CNTN1: variants seen among roughly 807,000 people sequenced by gnomAD.
CNTN1 encodes the protein contactin 1.
Under a neutral mutation model 126.4 loss-of-function variants are expected in CNTN1, and 38 were observed. The ratio of observed to expected loss-of-function variants is 0.30; its 90% confidence interval spans 0.23 to 0.39. The LOEUF (loss-of-function observed/expected upper bound fraction) is 0.39. Among genes scored for constraint, CNTN1 ranks in the 10% least tolerant of loss-of-function variants. CNTN1 has a pLI of 1.00. For synonymous variants in CNTN1, 413 were observed against 422.6 expected, an observed-to-expected ratio of 0.98 and a Z score of 0.28; for missense variants, 1,009 against 1,248.4, an observed-to-expected ratio of 0.81 and a Z score of 2.89.
At chr12:41,017,801 T>C (rs984983038) in intron 19 of CNTN1, among the ~76,000 whole-genome samples, 87 of 151,992 alleles carry the variant, frequency 5.7e-4, no homozygotes, top group Admixed American at 8.5e-4. Context: ...TTAAAAATAA[T>C]ACCTTTCTGG....
At chr12:40,948,258 C>CTTTCT (rs1946510176) in intron 14 of CNTN1, among the ~76,000 whole-genome samples, 1 of 62,682 alleles carries the variant, frequency 1.6e-5, no homozygotes, top group African/African-American at 6.5e-5. Context: ...TTCTTTCTTT[C>CTTTCT]TTTTTTTTTT....
At chr12:41,051,232 C>G (rs1443563155) in intron 23 of CNTN1, among the ~76,000 whole-genome samples, 1 of 147,500 alleles carries the variant, frequency 6.8e-6, no homozygotes, top group African/African-American at 2.5e-5. Flanking sequence ...ACTGCAAGCT[C>G]TGCCTCCCAG....
At chr12:41,043,622 C>A (rs1365865690) in intron 23 of CNTN1, among the ~76,000 whole-genome samples, 1 of 152,016 alleles carries the variant, frequency 6.6e-6, no homozygotes, top group East Asian at 1.9e-4. Context: ...CTAGAAATAC[C>A]ATTTGACCCA....
At chr12:40,788,925 C>A (rs189356567) in intron 1 of CNTN1, among the ~76,000 whole-genome samples, 3 of 152,036 alleles carry the variant, frequency 2.0e-5, no homozygotes, top group Admixed American at 6.6e-5. Flanking sequence ...AATTTTCTCT[C>A]GTGTTCGATA....
At chr12:41,020,712 A>C (rs1948887923) in intron 20 of CNTN1, among the ~76,000 whole-genome samples, 1 of 152,206 alleles carries the variant, frequency 6.6e-6, no homozygotes, top group Admixed American at 6.5e-5. Context: ...ATGATTACCC[A>C]AGGTCTTTTT....
At chr12:41,037,866 T>G (rs1949301350) in intron 23 of CNTN1, among the ~76,000 whole-genome samples, 1 of 152,140 alleles carries the variant, frequency 6.6e-6, no homozygotes, top group Admixed American at 6.6e-5. Context: ...GTTTTTAAAT[T>G]ATGTTTTTAG....
chr12:40,832,868 T>C (rs1163393326), intron 1 of CNTN1, among the ~76,000 whole-genome samples: 2 of 152,074 alleles, frequency 1.3e-5, no homozygotes, highest in East Asian at 1.9e-4. Context: ...CGGGGACACA[T>C]ACCAGACAAG....
At chr12:40,766,243 G>C (rs1410751682) in intron 1 of CNTN1, among the ~76,000 whole-genome samples, 1 of 151,824 alleles carries the variant, frequency 6.6e-6, no homozygotes, top group African/African-American at 2.4e-5. Flanking sequence ...TGTAATCCCA[G>C]CTACTTGGGA....
chr12:41,049,366 C>T (rs995771167), intron 23 of CNTN1, among the ~76,000 whole-genome samples: 6 of 152,200 alleles, frequency 3.9e-5, no homozygotes, highest in Non-Finnish European at 8.8e-5. Context: ...AAACTCTTCC[C>T]CATCTCCCTT....
In CNTN1 at chr12:40,744,313, A is replaced by AT. The variant is rs1555149299; in HGVS notation, c.-77+51721_-77+51722insT. The stretch of plus-strand genomic sequence containing the variant: ...TTTAAATTAAATTAAATAAAAAAAA[A>AT]ATAAAAGAACAAAACAAAACACGGA... On this transcript the variant is annotated intron_variant, in intron 1 of 23. Coordinates refer to ENST00000551295, the MANE Select transcript of CNTN1 (RefSeq NM_001843.4). Among the ~76,000 whole-genome samples, 355 of 147,044 alleles carry AT rather than the reference A, an allele frequency of 2.4e-3. 1 individual carries two copies. The highest frequency in any genetic ancestry group is 8.5e-3 in the African/African-American group (331 of 38,890).
At chr12:40,990,275 A>G (rs1948067887) in intron 16 of CNTN1, among the ~76,000 whole-genome samples, 1 of 152,188 alleles carries the variant, frequency 6.6e-6, no homozygotes. Context: ...TGGTGGGAAT[A>G]CTATTTTTAA....
intron 1 of CNTN1, among the ~76,000 whole-genome samples, chr12:40,785,695 G>A (rs989773429): frequency 1.3e-5 from 2 of 152,100 alleles, no homozygotes; most frequent in African/African-American, 4.8e-5. Context: ...GGATGGGGCA[G>A]AAACAAATTA....
intron 23 of CNTN1, among the ~76,000 whole-genome samples, chr12:41,050,102 G>A (rs973141426): frequency 6.6e-6 from 1 of 152,114 alleles, no homozygotes; most frequent in Non-Finnish European, 1.5e-5. Context: ...GTTTTGCCAT[G>A]TTGGCCAGGC....
intron 1 of CNTN1, among the ~76,000 whole-genome samples, chr12:40,876,555 G>A (rs1943676361): frequency 6.6e-6 from 1 of 151,848 alleles, no homozygotes; most frequent in Non-Finnish European, 1.5e-5. Flanking sequence ...GATATTTTTA[G>A]GATACTAGAG....
At chr12:40,988,996 A>ACTTTACTCT (rs1948036140) in intron 16 of CNTN1, among the ~76,000 whole-genome samples, 1 of 152,190 alleles carries the variant, frequency 6.6e-6, no homozygotes, top group African/African-American at 2.4e-5. Flanking sequence ...TATGCAAAGT[A>ACTTTACTCT]CTTTACTCTC....
intron 20 of CNTN1, among the ~76,000 whole-genome samples, chr12:41,021,252 G>A (rs1449481295): frequency 6.6e-6 from 1 of 152,034 alleles, no homozygotes; most frequent in Non-Finnish European, 1.5e-5. Context: ...AACTCAAGTT[G>A]TCTGATTCAA....
intron 23 of CNTN1, among the ~76,000 whole-genome samples, chr12:41,038,455 T>C (rs1030738570): frequency 2.6e-5 from 4 of 152,066 alleles, no homozygotes; most frequent in African/African-American, 9.7e-5. Flanking sequence ...TCCCTCAGTG[T>C]GTGTGTGTGC....
At chr12:40,993,332 A>T in intron 17 of CNTN1, 63 bp downstream of exon 17, 1 of 1,343,840 alleles carries the variant, frequency 7.4e-7, no homozygotes, top group Admixed American at 1.8e-5. Context: ...ACTTTCATAT[A>T]TGGTTGAATG....
At chr12:41,007,085 A>C (rs1452465675) in intron 17 of CNTN1, among the ~76,000 whole-genome samples, 2 of 97,880 alleles carry the variant, frequency 2.0e-5, no homozygotes, top group Non-Finnish European at 3.6e-5. Flanking sequence ...TTTGAGACGG[A>C]GTCTCGCTCT....
Sources: allele counts gnomAD v4.1 joint callset (sites outside exome capture counted in the v4.1 genomes callset), GRCh38; gene constraint gnomAD v4.1.1; transcripts MANE v1.5; gene names NCBI Gene and HGNC (gene_info 2026-07-23, HGNC 2026-07-21).